NUAK1: variants seen among roughly 807,000 people sequenced by gnomAD.
NUAK1 encodes NUAK family SNF1-like kinase 1.
In NUAK1, 26 loss-of-function variants were observed where a neutral mutation model predicts 56.9. The ratio of observed to expected loss-of-function variants is 0.46; its 90% CI spans 0.33 to 0.63. NUAK1 has a LOEUF of 0.63. NUAK1 is among the 30% of genes least tolerant of loss of function. NUAK1 has a pLI of 0.02. For missense variants in NUAK1, 727 were observed against 876.1 expected (o/e 0.83, Z 2.15); for synonymous variants, 337 against 336.0 (o/e 1.00, Z -0.03).
In NUAK1 at chr12:106,083,885, G is replaced by A. The variant is rs55690695; in HGVS notation, c.558C>T (p.Leu186=). Reference sequence around the variant, plus strand: ...TTACCTTAATATTGCAGTTGTCATCGAGCAGTATATTTTCCAGCTTCAAGT... The same window carrying A: ...TTACCTTAATATTGCAGTTGTCATCAAGCAGTATATTTTCCAGCTTCAAGT... ...HRDLKLENIL[L]DDNCNIKIAD... Residue 186 remains leucine (L), a synonymous_variant, in exon 4 of 7, where the codon CTC becomes CTT. Coordinates refer to ENST00000261402, the MANE Select transcript of NUAK1 (RefSeq NM_014840.3). 7.4e-3 allele frequency: 11,969 copies of A among 1,613,988 alleles called. 47 individuals carry two copies. The highest frequency in any genetic ancestry group is 0.01 in the Middle Eastern group (63 of 6,062).
intron 2 of NUAK1, among the ~76,000 whole-genome samples, chr12:106,102,272 A>G (rs754409964): frequency 3.3e-5 from 5 of 152,214 alleles, no homozygotes; most frequent in Non-Finnish European, 7.3e-5. Context: ...GTCTGATGAA[A>G]GCTATGTACC....
intron 2 of NUAK1, among the ~76,000 whole-genome samples, chr12:106,097,977 C>T (rs1361998777): frequency 6.6e-6 from 1 of 152,192 alleles, no homozygotes; most frequent in Non-Finnish European, 1.5e-5. Context: ...CTGGGTTCTG[C>T]AGAAACATCT....
At chr12:106,084,804 G>A (rs1035258265) in intron 3 of NUAK1, among the ~76,000 whole-genome samples, 1 of 152,204 alleles carries the variant, frequency 6.6e-6, no homozygotes, top group South Asian at 2.1e-4. Context: ...CGAAAGAACT[G>A]GCTATTTTGG....
chr12:106,098,517 T>C (rs967872), intron 2 of NUAK1, among the ~76,000 whole-genome samples: 91,016 of 152,024 alleles, frequency 0.6, 29,914 homozygotes, highest in African/African-American at 0.9. Flanking sequence ...ATCACCCTTA[T>C]CTAAAATAGG....
chr12:106,089,171 C>A (rs1007952195), intron 2 of NUAK1, among the ~76,000 whole-genome samples: 3 of 152,162 alleles, frequency 2.0e-5, no homozygotes, highest in African/African-American at 7.2e-5. Context: ...GAGAGGGCAG[C>A]GGGTTTTCTA....
At chr12:106,087,783 C>A (rs749616293) in intron 2 of NUAK1, among the ~76,000 whole-genome samples, 4 of 152,178 alleles carry the variant, frequency 2.6e-5, no homozygotes. Flanking sequence ...ACTGGCACGG[C>A]CTGCAATCAG....
In NUAK1 at chr12:106,066,821, A is replaced by G; in HGVS notation, c.1967T>C (p.Ile656Thr). The G allele has an allele frequency of 6.2e-7, 1 of 1,609,944 alleles. No homozygotes were observed. The highest frequency in any genetic ancestry group is 1.7e-4 in the Middle Eastern group (1 of 6,040). ...VTQVYKQALE[I>T]CSKLN ...GGAATGCTAGTTGAGCTTGCTGCAGATCTCCAGCGCTTGCTTGTAGACCTG... is the reference window on the plus strand; with the variant it reads ...GGAATGCTAGTTGAGCTTGCTGCAGGTCTCCAGCGCTTGCTTGTAGACCTG... Residue 656 changes from isoleucine (I) to threonine (T), a missense_variant, in exon 7 of 7, where the codon ATC (isoleucine) becomes ACC (threonine). Transcript: ENST00000261402.
intron 2 of NUAK1, among the ~76,000 whole-genome samples, chr12:106,089,164 AGGGCAGC>A (rs1308744589): frequency 6.6e-6 from 1 of 152,270 alleles, no homozygotes; most frequent in Non-Finnish European, 1.5e-5. Context: ...GGCCCTGGAG[AGGGCAGC>A]GGGTTTTCTA....
intron 2 of NUAK1, among the ~76,000 whole-genome samples, chr12:106,089,330 C>T (rs1565921618): frequency 6.6e-6 from 1 of 152,232 alleles, no homozygotes; most frequent in Non-Finnish European, 1.5e-5. Flanking sequence ...AGCCACTTGC[C>T]TCACACAGAC....
intron 2 of NUAK1, 152 bp from the exon 3 acceptor site, chr12:106,087,037 G>A: frequency 2.3e-6 from 2 of 881,858 alleles, no homozygotes; most frequent in East Asian, 2.7e-5. Flanking sequence ...AGCATCACGA[G>A]GCGTGGGGCG....
chr12:106,111,032 G>A (rs1183615483), intron 1 of NUAK1, among the ~76,000 whole-genome samples: 2 of 152,286 alleles, frequency 1.3e-5, no homozygotes, highest in South Asian at 2.1e-4. Context: ...AGGGCTGGGG[G>A]ATGCAGAGTA....
intron 1 of NUAK1, among the ~76,000 whole-genome samples, chr12:106,113,936 G>A (rs774417131): frequency 6.6e-6 from 1 of 152,064 alleles, no homozygotes; most frequent in Non-Finnish European, 1.5e-5. Flanking sequence ...CACAAGAGAC[G>A]CTAACACAGA....
intron 1 of NUAK1, among the ~76,000 whole-genome samples, chr12:106,121,937 G>T (rs963489499): frequency 6.6e-6 from 1 of 152,168 alleles, no homozygotes; most frequent in Non-Finnish European, 1.5e-5. Context: ...GCAAAAGTGA[G>T]GAAAACCCAA....
intron 1 of NUAK1, 98 bp from the exon 2 acceptor site, chr12:106,106,623 G>A: frequency 7.6e-7 from 1 of 1,313,786 alleles, no homozygotes; most frequent in Admixed American, 2.1e-5. Flanking sequence ...TTACTTGTTG[G>A]CAGAACTGAC....
At chr12:106,099,516 G>C (rs1284601233) in intron 2 of NUAK1, among the ~76,000 whole-genome samples, 2 of 152,194 alleles carry the variant, frequency 1.3e-5, no homozygotes, top group Non-Finnish European at 2.9e-5. Context: ...CTTCCCTCCA[G>C]TTAGGGGTCT....
intron 3 of NUAK1, 55 bp from the exon 4 acceptor site, chr12:106,083,984 G>T: frequency 1.4e-6 from 2 of 1,434,946 alleles, no homozygotes; most frequent in Non-Finnish European, 2.0e-6. Flanking sequence ...ATGAGAACAA[G>T]AGAGAAAGAG....
intron 1 of NUAK1, among the ~76,000 whole-genome samples, chr12:106,135,593 C>T (rs1175777846): frequency 1.3e-5 from 2 of 152,202 alleles, no homozygotes; most frequent in Admixed American, 1.3e-4. Flanking sequence ...CAACCCCATA[C>T]TCGGCACCTG....
Position 106,089,146 on chromosome 12 carries a change from G to A in NUAK1, c.362-2261C>T, listed in dbSNP as rs139670006. Among the ~76,000 whole-genome samples, 378 of 152,384 alleles carry A rather than the reference G, an allele frequency of 2.5e-3. 2 individuals carry two copies. The highest frequency in any genetic ancestry group is 8.2e-3 in the African/African-American group (339 of 41,594). On this transcript the variant is annotated intron_variant, in intron 2 of 6. Transcript: ENST00000261402. ...CATGGCCCAGGCCCCAAAAATGAAA[G>A]AGTGATAGGCCCTGGAGAGGGCAGC... is the stretch of plus-strand genomic sequence containing the variant.
intron 6 of NUAK1, among the ~76,000 whole-genome samples, chr12:106,070,376 T>C (rs1321110328): frequency 1.3e-5 from 2 of 152,224 alleles, no homozygotes; most frequent in Admixed American, 6.5e-5. Flanking sequence ...AGTGGCACAG[T>C]AGTGAGAGAC....
Sources: allele counts gnomAD v4.1 joint callset (sites outside exome capture counted in the v4.1 genomes callset), GRCh38; gene constraint gnomAD v4.1.1; transcripts MANE v1.5; gene names NCBI Gene and HGNC (gene_info 2026-07-23, HGNC 2026-07-21).